The following CNTN4 variants were observed in gnomAD, a reference collection of about 807,000 sequenced individuals.
The protein encoded by CNTN4 is contactin-4.
In CNTN4, 77 loss-of-function variants were observed where a neutral mutation model predicts 122.5. The ratio of observed to expected loss-of-function variants is 0.63; its 90% CI spans 0.52 to 0.76. CNTN4 has a LOEUF of 0.76. CNTN4 is among the 30% of genes least tolerant of loss of function. The pLI, the probability that CNTN4 is intolerant of heterozygous loss-of-function variation, is 0.00. For missense variants in CNTN4, 1,256 were observed against 1,259.1 expected (o/e 1.00, Z 0.04); for synonymous variants, 512 against 447.0 (o/e 1.15, Z -1.83).
Position 2,170,227 on chromosome 3 carries a change from G to A in CNTN4, c.-145+69588G>A, listed in dbSNP as rs543521391. The stretch of plus-strand genomic sequence containing the variant: ...CCCAGCTACTCGGGAGGCTGAGGCG[G>A]GAGAATGGCGGGAACCCGGGAGGCG... On this transcript the variant is annotated intron_variant, in intron 2 of 24. Transcript: ENST00000418658. 2.8e-3 allele frequency among the ~76,000 whole-genome samples: 419 copies of A among 152,070 alleles called. 2 individuals carry two copies. Among genetic ancestry groups the A allele is most frequent in the East Asian group, 0.023 (121 of 5,160 alleles).
chr3:2,752,343 A>G (rs2090135705), intron 6 of CNTN4, among the ~76,000 whole-genome samples: 1 of 152,050 alleles, frequency 6.6e-6, no homozygotes, highest in Non-Finnish European at 1.5e-5. Flanking sequence ...TGAAAATTAG[A>G]GTAAATTGGT....
chr3:2,684,516 A>G (rs1462773253), intron 4 of CNTN4, among the ~76,000 whole-genome samples: 1 of 152,164 alleles, frequency 6.6e-6, no homozygotes, highest in Non-Finnish European at 1.5e-5. Flanking sequence ...AGTAGAGTCT[A>G]ATGCTGGACC....
intron 12 of CNTN4, among the ~76,000 whole-genome samples, chr3:2,908,807 A>T (rs1275716906): frequency 6.6e-6 from 1 of 152,126 alleles, no homozygotes; most frequent in African/African-American, 2.4e-5. Context: ...TTTGAATATG[A>T]CTTGACTTTT....
At chr3:2,783,546 T>C (rs1576778422) in intron 6 of CNTN4, among the ~76,000 whole-genome samples, 1 of 152,244 alleles carries the variant, frequency 6.6e-6, no homozygotes, top group Non-Finnish European at 1.5e-5. Context: ...AAACTAATTG[T>C]GTTTTTTCTC....
rs540623707 is a variant in CNTN4, at chr3:2,598,332, C to T, written c.55+26774C>T. Among the ~76,000 whole-genome samples, 7 of 152,256 alleles carry T rather than the reference C, an allele frequency of 4.6e-5. No homozygotes were observed. In the South Asian group the frequency reaches 6.2e-4, roughly 14 times the overall value. On this transcript the variant is annotated intron_variant, in intron 4 of 24. Coordinates refer to ENST00000418658, the MANE Select transcript of CNTN4 (RefSeq NM_175607.3). ...GCAAGTACAATTGCATACTCTTAATCATCTTGCCCTTATTATATGAGAAGT... is the reference window on the plus strand; with the variant it reads ...GCAAGTACAATTGCATACTCTTAATTATCTTGCCCTTATTATATGAGAAGT...
chr3:2,256,786 C>T (rs2040609788), intron 2 of CNTN4, among the ~76,000 whole-genome samples: 1 of 151,980 alleles, frequency 6.6e-6, no homozygotes, highest in Non-Finnish European at 1.5e-5. Flanking sequence ...AAGGAAATAA[C>T]AGAGGACACA....
intron 3 of CNTN4, among the ~76,000 whole-genome samples, chr3:2,482,681 G>T (rs1040771439): frequency 2.5e-4 from 38 of 152,294 alleles, no homozygotes; most frequent in African/African-American, 8.7e-4. Flanking sequence ...AGCCACTCCG[G>T]CCGTGGCTAA....
rs181340063 is a variant in CNTN4 at position 2,664,878 on chromosome 3, C to T, written c.56-71337C>T. Among the ~76,000 whole-genome samples, 411 of 152,246 alleles carry T rather than the reference C, an allele frequency of 2.7e-3. 1 individual carries two copies. The highest frequency in any genetic ancestry group is 9.3e-3 in the African/African-American group (387 of 41,564). ...ACTTTCTTTGGAAGAAAGATGTCTC[C>T]TTTCCACGACATTTGATTTGTAAGT... is the stretch of plus-strand genomic sequence containing the variant. On this transcript the variant is annotated intron_variant, in intron 4 of 24. Coordinates refer to ENST00000418658, the MANE Select transcript of CNTN4 (RefSeq NM_175607.3).
chr3:2,513,354 C>T (rs2076945025), intron 3 of CNTN4, among the ~76,000 whole-genome samples: 1 of 152,104 alleles, frequency 6.6e-6, no homozygotes, highest in Admixed American at 6.5e-5. Flanking sequence ...TGATCTTGTG[C>T]AAGATGTGAT....
intron 15 of CNTN4, among the ~76,000 whole-genome samples, chr3:3,029,261 G>C (rs1698976974): frequency 6.6e-6 from 1 of 152,138 alleles, no homozygotes; most frequent in South Asian, 2.1e-4. Flanking sequence ...ACAAAAAAAT[G>C]GATCATGGCT....
chr3:2,881,605 A>C (rs1052005680), intron 8 of CNTN4, among the ~76,000 whole-genome samples: 1 of 141,402 alleles, frequency 7.1e-6, no homozygotes, highest in African/African-American at 2.6e-5. Context: ...CCATCCAGTG[A>C]GTGAAATCAT....
At position 2,843,045 on chromosome 3, in the gene CNTN4, C is replaced by T. The variant is rs147429052; in HGVS notation, c.454+23464C>T. 2.2e-4 allele frequency among the ~76,000 whole-genome samples: 34 copies of T among 152,200 alleles called. No individual in the cohort carries two copies. The East Asian group carries it at 2.3e-3, about 10-fold the overall frequency. On this transcript the variant is annotated intron_variant, in intron 7 of 24. Coordinates refer to ENST00000418658, the MANE Select transcript of CNTN4 (RefSeq NM_175607.3). The stretch of plus-strand genomic sequence containing the variant: ...ATAAATACCTACTGTCAGCCCCTCT[C>T]CCTCCTAAATACTTGACTTACATAT...
At chr3:2,237,097 G>C (rs2149581563) in intron 2 of CNTN4, among the ~76,000 whole-genome samples, 1 of 152,264 alleles carries the variant, frequency 6.6e-6, no homozygotes, top group East Asian at 1.9e-4. Flanking sequence ...TTCTCTATGA[G>C]TAATGGGAAG....
chr3:2,106,123 C>T (rs1285386178), intron 2 of CNTN4, among the ~76,000 whole-genome samples: 1 of 152,224 alleles, frequency 6.6e-6, no homozygotes, highest in East Asian at 1.9e-4. Context: ...GCAGTTCTGC[C>T]CCTCTGGCTT....
intron 6 of CNTN4, among the ~76,000 whole-genome samples, chr3:2,789,996 G>T (rs564464445): frequency 4.6e-4 from 70 of 152,280 alleles, no homozygotes; most frequent in African/African-American, 1.6e-3. Context: ...TAATAATGAT[G>T]ATTCTAATAA....
intron 23 of CNTN4, among the ~76,000 whole-genome samples, chr3:3,046,386 A>G (rs1161876824): frequency 6.6e-5 from 10 of 152,208 alleles, no homozygotes; most frequent in Admixed American, 5.9e-4. Context: ...GAGAAAGGTC[A>G]GGTTACCCAC....
chr3:2,866,492 A>G (rs2093725064), intron 7 of CNTN4: 1 of 1,311,642 alleles, frequency 7.6e-7, no homozygotes, highest in South Asian at 1.6e-5. Context: ...TTAGCCCTTG[A>G]CTTAAAGAGG....
At chr3:2,530,660 C>A (rs181875510) in intron 3 of CNTN4, among the ~76,000 whole-genome samples, 1 of 152,184 alleles carries the variant, frequency 6.6e-6, no homozygotes, top group Admixed American at 6.6e-5. Flanking sequence ...CTAATTTTCT[C>A]ATAATTTAGC....
chr3:2,556,582 C>T (rs990513526), intron 3 of CNTN4, among the ~76,000 whole-genome samples: 1 of 151,850 alleles, frequency 6.6e-6, no homozygotes, highest in Non-Finnish European at 1.5e-5. Context: ...GTTAACAGCT[C>T]GGCCCTGGTA....
Sources: gnomAD v4.1 joint callset for allele counts (sites outside exome capture counted in the v4.1 genomes callset) on GRCh38, gnomAD v4.1.1 for gene constraint, MANE v1.5 for transcripts, NCBI Gene and HGNC (gene_info 2026-07-23, HGNC 2026-07-21) for gene names.